SH3GL2: variants seen among roughly 807,000 people sequenced by gnomAD.
SH3GL2 encodes the protein SH3 domain containing GRB2 like 2, endophilin A1.
A neutral mutation model predicts 46.0 loss-of-function variants in SH3GL2; 24 were observed. The observed-to-expected ratio is 0.52, with a 90% CI of 0.38 to 0.73. The LOEUF (loss-of-function observed/expected upper bound fraction) is 0.73, where lower values mean the gene tolerates loss of function less well. Ranked by LOEUF, SH3GL2 falls within the 30% of genes least tolerant of loss-of-function variation. The pLI is 0.00. For missense variants in SH3GL2, 413 were observed against 424.2 expected (o/e 0.97, Z 0.23); for synonymous variants, 196 against 147.1 (o/e 1.33, Z -2.40).
At chr9:17,789,594 C>T in intron 6 of SH3GL2, 44 bp downstream of exon 6, 2 of 1,607,474 alleles carry the variant, frequency 1.2e-6, no homozygotes, top group Non-Finnish European at 1.7e-6. Context: ...ATCATCGAGG[C>T]ACAACATTAA....
At chr9:17,737,025 A>G (rs1321069215) in intron 1 of SH3GL2, among the ~76,000 whole-genome samples, 3 of 152,170 alleles carry the variant, frequency 2.0e-5, no homozygotes, top group African/African-American at 4.8e-5. Flanking sequence ...TGCAGCCATA[A>G]AAAAGGATGA....
chr9:17,684,201 A>G (rs945543077), intron 1 of SH3GL2, among the ~76,000 whole-genome samples: 3 of 152,156 alleles, frequency 2.0e-5, no homozygotes, highest in Non-Finnish European at 4.4e-5. Context: ...AAAGTGGGTA[A>G]TATGCATGTA....
At position 17,793,447 on chromosome 9, in the gene SH3GL2, G is replaced by A. The variant is rs774166488; in HGVS notation, c.809G>A (p.Ser270Asn). The stretch of plus-strand genomic sequence containing the variant: ...AGCCTGGAGTTTCCAACTGGAGACA[G>A]TACTCAGCCCAATGGGGGTCTCTCC... Reference protein sequence around the residue: ...RMSLEFPTGDSTQPNGGLSHT... With the variant: ...RMSLEFPTGDNTQPNGGLSHT... Residue 270 changes from serine (S) to asparagine (N), a missense_variant, in exon 8 of 9, where the codon AGT (serine) becomes AAT (asparagine). Around this residue, in one of 3 missense-constraint regions of SH3GL2, gnomAD observed 248 missense variants for 215.0 expected, o/e 1.15. Coordinates refer to ENST00000380607, the MANE Select transcript of SH3GL2 (RefSeq NM_003026.5). 1 of 1,611,694 alleles carries A rather than the reference G, an allele frequency of 6.2e-7. No homozygotes were observed. Among genetic ancestry groups the A allele is most frequent in the East Asian group, 2.2e-5 (1 of 44,788 alleles).
At chr9:17,759,595 T>C (rs142029277) in intron 2 of SH3GL2, among the ~76,000 whole-genome samples, 21 of 152,266 alleles carry the variant, frequency 1.4e-4, no homozygotes, top group Middle Eastern at 3.4e-3. Flanking sequence ...TTTGTGAGCA[T>C]TGAGTGTGTA....
intron 1 of SH3GL2, among the ~76,000 whole-genome samples, chr9:17,698,727 A>G (rs980714004): frequency 6.6e-6 from 1 of 152,228 alleles, no homozygotes; most frequent in Non-Finnish European, 1.5e-5. Context: ...GGACTAAATT[A>G]TACCTGAACT....
chr9:17,747,249 C>T, intron 2 of SH3GL2, 115 bp downstream of exon 2: 1 of 597,882 alleles, frequency 1.7e-6, no homozygotes, highest in African/African-American at 1.9e-5. Context: ...GAGAATACTA[C>T]ATTTTGTTAT....
chr9:17,718,043 C>T (rs536738898), intron 1 of SH3GL2, among the ~76,000 whole-genome samples: 3 of 152,138 alleles, frequency 2.0e-5, no homozygotes, highest in African/African-American at 7.2e-5. Context: ...CAACTTGTAC[C>T]CAGTGAATTC....
At chr9:17,676,214 T>A (rs1820604615) in intron 1 of SH3GL2, among the ~76,000 whole-genome samples, 1 of 152,244 alleles carries the variant, frequency 6.6e-6, no homozygotes, top group African/African-American at 2.4e-5. Context: ...GTCTTTAGTG[T>A]CTCTTCCTTT....
At chr9:17,707,626 C>G (rs938927728) in intron 1 of SH3GL2, among the ~76,000 whole-genome samples, 1 of 152,052 alleles carries the variant, frequency 6.6e-6, no homozygotes, top group African/African-American at 2.4e-5. Flanking sequence ...ATTAAATATT[C>G]CATTTCAGTC....
At chr9:17,620,370 G>A (rs771593766) in intron 1 of SH3GL2, among the ~76,000 whole-genome samples, 1 of 152,180 alleles carries the variant, frequency 6.6e-6, no homozygotes, top group Non-Finnish European at 1.5e-5. Flanking sequence ...CTTACACAGT[G>A]CTTTTTAGGT....
intron 3 of SH3GL2, among the ~76,000 whole-genome samples, chr9:17,770,075 C>T (rs562655757): frequency 5.9e-5 from 9 of 152,264 alleles, no homozygotes; most frequent in Admixed American, 1.3e-4. Context: ...AGGTAAGTGT[C>T]GTGGTCTGCA....
chr9:17,723,507 A>G lies in SH3GL2; in HGVS notation c.46-23559A>G, dbSNP rs534974269. 8.5e-5 allele frequency among the ~76,000 whole-genome samples: 13 copies of G among 152,318 alleles called. No individual in the cohort carries two copies. In the South Asian group the frequency reaches 2.3e-3, roughly 27 times the overall value. On this transcript the variant is annotated intron_variant, in intron 1 of 8. Transcript: ENST00000380607. The stretch of plus-strand genomic sequence containing the variant: ...ACTGCCAGGTGTGGTTGAGAAATGT[A>G]TCTCAATAATTTGTTGAGATGAAAT...
chr9:17,654,209 T>C (rs1316134714), intron 1 of SH3GL2, among the ~76,000 whole-genome samples: 1 of 152,202 alleles, frequency 6.6e-6, no homozygotes, highest in Non-Finnish European at 1.5e-5. Context: ...TTCTCTCCAC[T>C]GACCACTCCT....
intron 1 of SH3GL2, among the ~76,000 whole-genome samples, chr9:17,673,482 C>G (rs1378877029): frequency 6.6e-6 from 1 of 152,020 alleles, no homozygotes; most frequent in South Asian, 2.1e-4. Flanking sequence ...TGTCCCTGAT[C>G]TTTGCCTGCT....
chr9:17,635,241 G>A (rs1819515951), intron 1 of SH3GL2, among the ~76,000 whole-genome samples: 1 of 152,088 alleles, frequency 6.6e-6, no homozygotes, highest in Admixed American at 6.6e-5. Context: ...TATAGTATAT[G>A]GTTTTCTGTT....
chr9:17,753,918 C>A (rs1056120967), intron 2 of SH3GL2, among the ~76,000 whole-genome samples: 1 of 152,108 alleles, frequency 6.6e-6, no homozygotes, highest in Non-Finnish European at 1.5e-5. Context: ...ATCCTAGCAC[C>A]ATTTATTGAA....
At position 17,765,185 on chromosome 9, in the gene SH3GL2, C is replaced by T. The variant is rs577020021; in HGVS notation, c.187+3676C>T. 4.3e-3 allele frequency among the ~76,000 whole-genome samples: 348 copies of T among 80,048 alleles called. 10 individuals are homozygous for T. The highest frequency in any genetic ancestry group is 9.5e-3 in the South Asian group (14 of 1,468). 52.5% of individuals were successfully genotyped at this position (80,048 alleles called of 152,430 possible). A position where few individuals can be genotyped will look rare whatever the true frequency, so the allele number is the denominator to read the frequency against. ...GGGCAATCAGTAGGATTTGATGCTT[C>T]GAGGGTACTTTGGGAGTACATCTGT... On this transcript the variant is annotated intron_variant, in intron 3 of 8. Transcript: ENST00000380607.
At chr9:17,593,070 G>A (rs190676034) in intron 1 of SH3GL2, among the ~76,000 whole-genome samples, 1 of 152,274 alleles carries the variant, frequency 6.6e-6, no homozygotes, top group Non-Finnish European at 1.5e-5. Flanking sequence ...GAGAGGGTAT[G>A]GAAGCTCCAG....
chr9:17,625,081 G>A (rs1433681844), intron 1 of SH3GL2, among the ~76,000 whole-genome samples: 1 of 152,118 alleles, frequency 6.6e-6, no homozygotes, highest in Admixed American at 6.5e-5. Flanking sequence ...ACTTTTTTTG[G>A]GAGGGGGCTG....
Sources: gnomAD v4.1 joint callset for allele counts (sites outside exome capture counted in the v4.1 genomes callset) on GRCh38, gnomAD v4.1.1 for gene constraint, gnomAD v4.1.1 regional missense constraint, MANE v1.5 for transcripts, NCBI Gene and HGNC (gene_info 2026-07-23, HGNC 2026-07-21) for gene names.